EYS: variants seen among roughly 807,000 people sequenced by gnomAD.
The protein encoded by EYS is EGF-like photoreceptor maintenance factor, also known as protein eyes shut homolog.
A neutral mutation model predicts 282.1 loss-of-function variants in EYS; 250 were observed. That is an observed-to-expected ratio of 0.89 (90% CI 0.80 to 0.98). EYS has a LOEUF of 0.98. EYS is among the 50% of genes least tolerant of loss of function. EYS has a pLI of 0.00. For synonymous variants in EYS, 1,355 were observed against 1,282.9 expected, an observed-to-expected ratio of 1.06 and a Z score of -1.20; for missense variants, 4,016 against 3,709.0, an observed-to-expected ratio of 1.08 and a Z score of -2.15.
intron 34 of EYS, among the ~76,000 whole-genome samples, chr6:63,985,554 C>T (rs1190402377): frequency 6.6e-6 from 1 of 151,614 alleles, no homozygotes; most frequent in Non-Finnish European, 1.5e-5. Flanking sequence ...AAAATGTTAC[C>T]GTTTCCTTTC....
In EYS at chr6:65,673,923, C is replaced by T. The variant is rs142324887; in HGVS notation, c.-448+33212G>A. 5.5e-3 allele frequency among the ~76,000 whole-genome samples: 832 copies of T among 151,944 alleles called. 8 individuals are homozygous for T. Among genetic ancestry groups the T allele is most frequent in the African/African-American group, 0.019 (780 of 41,470 alleles). On this transcript the variant is annotated intron_variant, in intron 1 of 42. Transcript: ENST00000503581. Reference sequence around the variant, plus strand: ...GTAAAGTCAATTTGCCAGTCCTGGGCAGGGGCAAATCCCCAAGCTTGATGT... The same window carrying T: ...GTAAAGTCAATTTGCCAGTCCTGGGTAGGGGCAAATCCCCAAGCTTGATGT...
chr6:64,297,544 A>G (rs1024084846), intron 30 of EYS, among the ~76,000 whole-genome samples: 2 of 152,370 alleles, frequency 1.3e-5, no homozygotes, highest in Admixed American at 1.3e-4. Flanking sequence ...GACTTTTCAC[A>G]TACAAGGATC....
At chr6:64,659,278 A>T (rs1768894659) in intron 22 of EYS, among the ~76,000 whole-genome samples, 1 of 152,212 alleles carries the variant, frequency 6.6e-6, no homozygotes, top group South Asian at 2.1e-4. Flanking sequence ...CCACAAGAGA[A>T]AGCAGGAAAG....
At chr6:65,614,281 T>C (rs1766106533) in intron 2 of EYS, among the ~76,000 whole-genome samples, 1 of 152,042 alleles carries the variant, frequency 6.6e-6, no homozygotes, top group African/African-American at 2.4e-5. Context: ...CTTGCTACAC[T>C]GTACTTCACC....
intron 26 of EYS, among the ~76,000 whole-genome samples, chr6:64,485,522 G>GA (rs1244206026): frequency 2.0e-5 from 3 of 151,478 alleles, no homozygotes; most frequent in East Asian, 1.9e-4. Context: ...CCAAGGTGGT[G>GA]AAAAAATCAC....
chr6:64,384,948 T>C (rs915451936), intron 29 of EYS, among the ~76,000 whole-genome samples: 5 of 152,308 alleles, frequency 3.3e-5, no homozygotes, highest in Admixed American at 6.5e-5. Context: ...AAAGACATTA[T>C]TGGAAACTTA....
chr6:64,494,910 T>C (rs1197449583), intron 26 of EYS, among the ~76,000 whole-genome samples: 2 of 151,696 alleles, frequency 1.3e-5, no homozygotes, highest in African/African-American at 2.4e-5. Context: ...TTAATTGTTA[T>C]AAATATCTAT....
At chr6:64,078,535 G>C (rs190570528) in intron 32 of EYS, among the ~76,000 whole-genome samples, 1 of 152,166 alleles carries the variant, frequency 6.6e-6, no homozygotes, top group East Asian at 1.9e-4. Context: ...ATTCCCAACA[G>C]TGTAGGATTA....
In EYS at chr6:65,054,265, A is replaced by C. The variant is rs1054211837; in HGVS notation, c.2137+3349T>G. Among the ~76,000 whole-genome samples the C allele has an allele frequency of 3.9e-5, 6 of 151,980 alleles. No homozygotes were observed. The East Asian group carries it at 1.2e-3, about 29-fold the overall frequency. ...TAACAACTCATAAATTAATTTGTTT[A>C]TCTCTCAGTATAATAGGGGTATTCC... On this transcript the variant is annotated intron_variant, in intron 13 of 42. Transcript: ENST00000503581.
chr6:65,374,497 G>T (rs1299746046), intron 8 of EYS, among the ~76,000 whole-genome samples: 2 of 129,548 alleles, frequency 1.5e-5, no homozygotes, highest in Non-Finnish European at 3.4e-5. Flanking sequence ...TGAGCTACCT[G>T]CGGAGTTTTT....
At chr6:64,141,159 C>T (rs2150288086) in intron 31 of EYS, among the ~76,000 whole-genome samples, 1 of 151,774 alleles carries the variant, frequency 6.6e-6, no homozygotes, top group Non-Finnish European at 1.5e-5. Flanking sequence ...ACACTAAGAT[C>T]CTTGGTAGCA....
intron 29 of EYS, among the ~76,000 whole-genome samples, chr6:64,335,743 A>C (rs942595899): frequency 1.3e-5 from 2 of 152,174 alleles, no homozygotes; most frequent in African/African-American, 4.8e-5. Context: ...CAGGTGACCT[A>C]TAAAGGAAAA....
intron 5 of EYS, among the ~76,000 whole-genome samples, chr6:65,475,752 G>GAAACAC (rs1765378279): frequency 6.9e-6 from 1 of 144,674 alleles, no homozygotes; most frequent in Non-Finnish European, 1.5e-5. Context: ...CAGACAGACA[G>GAAACAC]ACAGACACAC....
chr6:63,969,837 T>C (rs558201301), intron 35 of EYS, among the ~76,000 whole-genome samples: 1 of 152,324 alleles, frequency 6.6e-6, no homozygotes, highest in South Asian at 2.1e-4. Context: ...CTCTCTGTTG[T>C]AGTCTCTCTC....
chr6:64,956,919 A>G (rs1017212347), intron 14 of EYS, among the ~76,000 whole-genome samples: 4 of 152,182 alleles, frequency 2.6e-5, no homozygotes, highest in African/African-American at 9.6e-5. Flanking sequence ...CAAAAGACGC[A>G]ACAACAAATG....
At position 65,601,441 on chromosome 6, in the gene EYS, C is replaced by T. The variant is rs936095303; in HGVS notation, c.-333+38337G>A. On this transcript the variant is annotated intron_variant, in intron 2 of 42. Transcript: ENST00000503581. ...GTCAATTATGCTTTTTTTTCCCCCA[C>T]AGAGATACCAGCACCAATAAGAGAA... 4.0e-5 allele frequency among the ~76,000 whole-genome samples: 6 copies of T among 151,746 alleles called. No homozygotes were observed. In the East Asian group the frequency reaches 5.8e-4, roughly 15 times the overall value.
intron 29 of EYS, among the ~76,000 whole-genome samples, chr6:64,367,998 A>T (rs1772236283): frequency 6.6e-6 from 1 of 151,996 alleles, no homozygotes; most frequent in South Asian, 2.1e-4. Flanking sequence ...TATATAGGTA[A>T]ATTGTGTGTG....
intron 14 of EYS, among the ~76,000 whole-genome samples, chr6:64,990,369 G>A (rs575610744): frequency 1.3e-5 from 2 of 151,712 alleles, no homozygotes; most frequent in East Asian, 3.9e-4. Flanking sequence ...CCTGTAGAAT[G>A]TAACTATTGA....
chr6:64,578,585 TTCTC>T (rs777922150), intron 26 of EYS, among the ~76,000 whole-genome samples: 3 of 149,014 alleles, frequency 2.0e-5, no homozygotes, highest in Non-Finnish European at 4.5e-5. Context: ...CACATTCTCT[TTCTC>T]TCTCTCTTTG....
Sources: allele counts gnomAD v4.1 joint callset (sites outside exome capture counted in the v4.1 genomes callset), GRCh38; gene constraint gnomAD v4.1.1; transcripts MANE v1.5; gene names NCBI Gene and HGNC (gene_info 2026-07-23, HGNC 2026-07-21).